The following NIPSNAP1 variants were observed in gnomAD, a reference collection of about 807,000 sequenced individuals.
The protein encoded by NIPSNAP1 is nipsnap homolog 1.
A neutral mutation model predicts 49.2 loss-of-function variants in NIPSNAP1; 25 were observed. That is an observed-to-expected ratio of 0.51 (90% CI 0.37 to 0.71). The LOEUF (loss-of-function observed/expected upper bound fraction) is 0.71. NIPSNAP1 is among the 30% of genes least tolerant of loss of function. NIPSNAP1 has a pLI of 0.00. For missense variants in NIPSNAP1, 294 were observed against 361.0 expected, an observed-to-expected ratio of 0.81 and a Z score of 1.50; for synonymous variants, 143 against 140.7, an observed-to-expected ratio of 1.02 and a Z score of -0.12.
chr22:29,565,374 T>C (rs1280977336), intron 4 of NIPSNAP1, among the ~76,000 whole-genome samples: 2 of 152,052 alleles, frequency 1.3e-5, no homozygotes, highest in African/African-American at 4.8e-5. Context: ...TAGCCAGGCA[T>C]GGTGGTTCAT....
At chr22:29,580,376 A>G (rs1209901856) in intron 1 of NIPSNAP1, 1 of 628,678 alleles carries the variant, frequency 1.6e-6, no homozygotes, top group East Asian at 1.4e-4. Flanking sequence ...TGGCCCAGCC[A>G]GACTCCCACT....
In NIPSNAP1 at chr22:29,555,526, G is replaced by A; in HGVS notation, c.*409C>T. The stretch of plus-strand genomic sequence containing the variant: ...GAAACCAGGGAATTCCTGAGGGCCT[G>A]GCCTGGCCTCCTCTCTTCCCACCCC... On this transcript the variant is annotated 3_prime_UTR_variant, in exon 10 of 10. Coordinates refer to ENST00000216121, the MANE Select transcript of NIPSNAP1 (RefSeq NM_003634.4). 1 of 229,500 alleles carries A rather than the reference G, an allele frequency of 4.4e-6. No individual in the cohort carries two copies. 14.2% of individuals were successfully genotyped at this position (229,500 alleles called of 1,614,324 possible). A position where few individuals can be genotyped will look rare whatever the true frequency, so the allele number is the denominator to read the frequency against.
At position 29,570,419 on chromosome 22, in the gene NIPSNAP1, A is replaced by C. The variant is rs1431615470; in HGVS notation, c.212T>G (p.Leu71Arg). The change falls in exon 2 of 10, where the codon CTC (leucine) becomes CGC (arginine). Residue 71 changes from leucine to arginine, a missense_variant. Physicochemically the swap from Leu to Arg is moderately radical, Grantham distance 102. This residue lies in a region of NIPSNAP1 where 55 missense variants were observed against 46.2 expected (regional missense o/e 1.19). Coordinates refer to ENST00000216121, the MANE Select transcript of NIPSNAP1 (RefSeq NM_003634.4). ...CAGCCACTCACACTGGATCTTATAG[A>C]GGTTGCTGGTTTCCTTCTTGGACAG... ...TLLSKKETSN[L>R]YKIQFHNVKP... The C allele has an allele frequency of 6.2e-7, 1 of 1,614,118 alleles. No homozygotes were observed. The highest frequency in any genetic ancestry group is 8.5e-7 in the Non-Finnish European group (1 of 1,180,032).
chr22:29,569,272 G>C lies in NIPSNAP1; in HGVS notation c.288C>G (p.Pro96=). ...AYNSLTEAVL[P]KLHLDEDYPC... ...GGTAGTCCTCATCCAGGTGAAGCTT[G>C]GGCAGCACAGCCTCCCTGTGGGGGA... The change falls in exon 4 of 10, where the codon CCC becomes CCG. Residue 96 remains proline, a synonymous_variant. Coordinates refer to ENST00000216121, the MANE Select transcript of NIPSNAP1 (RefSeq NM_003634.4). 2 of 1,613,936 alleles carry C rather than the reference G, an allele frequency of 1.2e-6. No homozygotes were observed. The highest frequency in any genetic ancestry group is 1.1e-5 in the South Asian group (1 of 91,066).
chr22:29,561,856 A>G lies in NIPSNAP1; in HGVS notation c.374T>C (p.Leu125Pro). 1 of 1,614,062 alleles carries G rather than the reference A, an allele frequency of 6.2e-7. No homozygotes were observed. Among genetic ancestry groups the G allele is most frequent in the Non-Finnish European group, 8.5e-7 (1 of 1,179,976 alleles). ...WYGEQDQAVH[L>P]WRFSGGYPAL... is the part of the protein sequence containing the mutation. Reference sequence around the variant, plus strand: ...TGGGTAGCCACCTGAGAATCGCCACAGGTGCACTGTTGGGGGTGAGAGGTA... The same window carrying G: ...TGGGTAGCCACCTGAGAATCGCCACGGGTGCACTGTTGGGGGTGAGAGGTA... Residue 125 changes from leucine to proline, a missense_variant, in exon 5 of 10, where the codon CTG becomes CCG. By Grantham distance (98) the Leu-to-Pro change is moderately conservative. Around this residue, in one of 4 missense-constraint regions of NIPSNAP1, gnomAD observed 146 missense variants for 219.9 expected, o/e 0.66. Transcript: ENST00000216121.
At chr22:29,559,030 T>C in intron 8 of NIPSNAP1, 77 bp from the exon 9 acceptor site, 1 of 1,042,776 alleles carries the variant, frequency 9.6e-7, no homozygotes, top group Non-Finnish European at 1.5e-6. Flanking sequence ...CTCTTCCCAC[T>C]GTCCCCTAAA....
intron 8 of NIPSNAP1, among the ~76,000 whole-genome samples, chr22:29,560,261 T>A (rs2064325962): frequency 6.6e-6 from 1 of 152,142 alleles, no homozygotes; most frequent in African/African-American, 2.4e-5. Flanking sequence ...TTTCTTCTTT[T>A]TTTTTGAGAC....
intron 1 of NIPSNAP1, among the ~76,000 whole-genome samples, chr22:29,573,380 G>A (rs559940763): frequency 1.3e-5 from 2 of 152,242 alleles, no homozygotes; most frequent in East Asian, 1.9e-4. Flanking sequence ...GAAATGGGCC[G>A]GGCATGGTGG....
At chr22:29,559,024 TC>T in intron 8 of NIPSNAP1, 71 bp from the exon 9 acceptor site, 1 of 1,085,640 alleles carries the variant, frequency 9.2e-7, no homozygotes, top group Admixed American at 1.7e-5. Context: ...AGGGCCCTCT[TC>T]CCACTGTCCC....
At chr22:29,560,128 G>A (rs1399842833) in intron 8 of NIPSNAP1, among the ~76,000 whole-genome samples, 4 of 152,010 alleles carry the variant, frequency 2.6e-5, no homozygotes, top group Non-Finnish European at 5.9e-5. Context: ...TTCACAGCTG[G>A]CTCCTTCTCA....
At position 29,567,049 on chromosome 22, in the gene NIPSNAP1, G is replaced by A. The variant is rs565394090; in HGVS notation, c.367+2144C>T. Among the ~76,000 whole-genome samples, 22 of 152,284 alleles carry A rather than the reference G, an allele frequency of 1.4e-4. No individual in the cohort carries two copies. The South Asian group carries it at 4.6e-3, about 32-fold the overall frequency. On this transcript the variant is annotated intron_variant, in intron 4 of 9. Transcript: ENST00000216121. ...AGGCAGGAGAATCACTTGAACCCAG[G>A]AGGCAGAGGTTGCAGTGAGCCAAGA...
chr22:29,567,554 A>G (rs544258853), intron 4 of NIPSNAP1, among the ~76,000 whole-genome samples: 6 of 152,116 alleles, frequency 3.9e-5, no homozygotes, highest in Non-Finnish European at 8.8e-5. Flanking sequence ...ATCTATGCCA[A>G]AATAGAAAAG....
chr22:29,563,633 C>G (rs1020834274), intron 4 of NIPSNAP1, among the ~76,000 whole-genome samples: 5 of 151,930 alleles, frequency 3.3e-5, no homozygotes, highest in Non-Finnish European at 7.4e-5. Context: ...CAGAATGTGA[C>G]CTTATTTGGA....
chr22:29,568,603 A>G (rs1569247425), intron 4 of NIPSNAP1, among the ~76,000 whole-genome samples: 1 of 151,790 alleles, frequency 6.6e-6, no homozygotes, highest in Admixed American at 6.6e-5. Flanking sequence ...GACCAGCCTG[A>G]CCAACATGGT....
intron 4 of NIPSNAP1, among the ~76,000 whole-genome samples, chr22:29,562,687 G>A (rs565720630): frequency 7.9e-5 from 12 of 151,780 alleles, no homozygotes; most frequent in South Asian, 4.2e-4. Context: ...GCGAAACTCC[G>A]TCTCAAAAAA....
intron 4 of NIPSNAP1, among the ~76,000 whole-genome samples, chr22:29,563,440 T>G (rs912050920): frequency 6.6e-6 from 1 of 152,002 alleles, no homozygotes; most frequent in African/African-American, 2.4e-5. Flanking sequence ...GGCAAGAGAA[T>G]CGCTTCAACC....
chr22:29,558,862 T>A lies in NIPSNAP1; in HGVS notation c.790+8A>T. On this transcript the variant is annotated splice_region_variant and intron_variant, in intron 9 of 9. Transcript: ENST00000216121. ...TCTCAGCAGAAGACCTCCAAAGGCTTCACTCACCTGTATAGTAGACATTTT... is the reference window on the plus strand; with the variant it reads ...TCTCAGCAGAAGACCTCCAAAGGCTACACTCACCTGTATAGTAGACATTTT... 3 of 1,609,480 alleles carry A rather than the reference T, an allele frequency of 1.9e-6. No homozygotes were observed. The highest frequency in any genetic ancestry group is 2.6e-6 in the Non-Finnish European group (3 of 1,175,806).
intron 4 of NIPSNAP1, among the ~76,000 whole-genome samples, chr22:29,566,894 C>A (rs188040562): frequency 6.6e-6 from 1 of 151,862 alleles, no homozygotes; most frequent in African/African-American, 2.4e-5. Flanking sequence ...GAGGCTCAGG[C>A]GGGAGGATCA....
At chr22:29,557,483 AATGGCACAATC>A (rs562232502) in intron 9 of NIPSNAP1, among the ~76,000 whole-genome samples, 45 of 152,150 alleles carry the variant, frequency 3.0e-4, no homozygotes, top group African/African-American at 1.0e-3. Flanking sequence ...GCTGGAGTGC[AATGGCACAATC>A]ATGGCTCCCT....
Sources: gnomAD v4.1 joint callset for allele counts (sites outside exome capture counted in the v4.1 genomes callset) on GRCh38, gnomAD v4.1.1 for gene constraint, gnomAD v4.1.1 regional missense constraint, MANE v1.5 for transcripts, NCBI Gene and HGNC (gene_info 2026-07-23, HGNC 2026-07-21) for gene names.